Variants in TSHZ2 observed in about 807,000 individuals in gnomAD.
The protein encoded by TSHZ2 is teashirt homolog 2.
TSHZ2 carries 21 observed loss-of-function variants against 74.4 expected under a neutral mutation model. The observed-to-expected ratio is 0.28, with a 90% CI of 0.20 to 0.41. The LOEUF (loss-of-function observed/expected upper bound fraction) is 0.41. TSHZ2 is among the 10% of genes least tolerant of loss of function. The probability of loss-of-function intolerance (pLI) is 1.00; values close to 1 mark genes in which losing one functional copy is unlikely to be tolerated. For missense variants in TSHZ2, 1,244 were observed against 1,293.5 expected, an observed-to-expected ratio of 0.96 and a Z score of 0.59; for synonymous variants, 540 against 515.3, an observed-to-expected ratio of 1.05 and a Z score of -0.65.
intron 2 of TSHZ2, among the ~76,000 whole-genome samples, chr20:53,451,883 T>A (rs1266068885): frequency 6.6e-6 from 1 of 152,198 alleles, no homozygotes; most frequent in Non-Finnish European, 1.5e-5. Context: ...ATTTGTGGAA[T>A]GAATGAATGA....
chr20:53,432,007 G>C (rs1279264330), intron 2 of TSHZ2, among the ~76,000 whole-genome samples: 5 of 152,120 alleles, frequency 3.3e-5, no homozygotes, highest in Non-Finnish European at 7.4e-5. Flanking sequence ...AATAGCTTTA[G>C]GGGTATACAC....
chr20:53,001,230 G>GTGTGTGTGTGTA (rs1555813627), intron 1 of TSHZ2, among the ~76,000 whole-genome samples: 13 of 126,114 alleles, frequency 1.0e-4, no homozygotes, highest in African/African-American at 1.8e-4. Flanking sequence ...GTGTGTGTGT[G>GTGTGTGTGTGTA]TGTGTGTGTG....
At chr20:53,100,876 G>T (rs770500101) in intron 1 of TSHZ2, among the ~76,000 whole-genome samples, 1 of 152,056 alleles carries the variant, frequency 6.6e-6, no homozygotes, top group Non-Finnish European at 1.5e-5. Flanking sequence ...AACTCCCCTC[G>T]CCAGAGGCAC....
chr20:53,185,683 C>G, intron 1 of TSHZ2: 2 of 1,536,032 alleles, frequency 1.3e-6, no homozygotes, highest in Non-Finnish European at 8.7e-7. Context: ...ACAGGTACAA[C>G]AGTTTACCCA....
intron 2 of TSHZ2, among the ~76,000 whole-genome samples, chr20:53,347,336 G>A (rs1212828614): frequency 6.6e-6 from 1 of 152,112 alleles, no homozygotes; most frequent in Non-Finnish European, 1.5e-5. Context: ...GTCCTGGGGA[G>A]GCAAAATCAC....
intron 1 of TSHZ2, among the ~76,000 whole-genome samples, chr20:53,003,896 CTTTTT>C (rs1229314009): frequency 6.9e-6 from 1 of 145,270 alleles, no homozygotes; most frequent in African/African-American, 2.5e-5. Flanking sequence ...TTTTCTTTTT[CTTTTT>C]TTTTTTAATT....
Position 53,261,716 on chromosome 20 carries a change from A to G in TSHZ2, c.*8+5145A>G, listed in dbSNP as rs1202692428. Among the ~76,000 whole-genome samples the G allele has an allele frequency of 2.0e-5, 3 of 152,044 alleles. No individual in the cohort carries two copies. In the East Asian group the frequency reaches 5.8e-4, roughly 29 times the overall value. ...TATAGAGTAACATTATTTTTCATTT[A>G]CTCCAATCTGCCATCAGTATCATCT... On this transcript the variant is annotated intron_variant, in intron 2 of 2. Coordinates refer to ENST00000371497, the MANE Select transcript of TSHZ2 (RefSeq NM_173485.6).
rs867682857 is a variant in TSHZ2, at chr20:53,009,875, A to C, written c.40+36542A>C. Among the ~76,000 whole-genome samples, 36 of 152,194 alleles carry C rather than the reference A, an allele frequency of 2.4e-4. No homozygotes were observed. In the Middle Eastern group the frequency reaches 0.01, roughly 43 times the overall value. On this transcript the variant is annotated intron_variant, in intron 1 of 2. Coordinates refer to ENST00000371497, the MANE Select transcript of TSHZ2 (RefSeq NM_173485.6). Reference sequence around the variant, plus strand: ...AAATTCATTACCCAAAATTCCCCCCAAAAAAAGACCTACATTGGGAACTCT... The same window carrying C: ...AAATTCATTACCCAAAATTCCCCCCCAAAAAAGACCTACATTGGGAACTCT...
intron 2 of TSHZ2, among the ~76,000 whole-genome samples, chr20:53,345,667 G>A (rs540152220): frequency 6.7e-4 from 98 of 145,846 alleles, no homozygotes; most frequent in Non-Finnish European, 9.0e-4. Context: ...ATCTGATCCC[G>A]CCTGCCCGCC....
chr20:53,072,000 G>T (rs1443785615), intron 1 of TSHZ2, among the ~76,000 whole-genome samples: 1 of 152,144 alleles, frequency 6.6e-6, no homozygotes, highest in Non-Finnish European at 1.5e-5. Flanking sequence ...GTCAGCTTGT[G>T]GGGTAGAGAC....
At chr20:53,122,155 G>A (rs1303392051) in intron 1 of TSHZ2, among the ~76,000 whole-genome samples, 1 of 151,828 alleles carries the variant, frequency 6.6e-6, no homozygotes, top group African/African-American at 2.4e-5. Context: ...AGGTGTGATG[G>A]CATGCACCTG....
In TSHZ2 at chr20:53,489,066, T is replaced by C. The variant is rs1457192802; in HGVS notation, c.*1931T>C. 1.1e-5 allele frequency: 5 copies of C among 456,094 alleles called. No individual in the cohort carries two copies. The highest frequency in any genetic ancestry group is 3.1e-5 in the South Asian group (2 of 64,568). 28.3% of individuals were successfully genotyped at this position (456,094 alleles called of 1,614,324 possible). ...CATCGGATTGAGATGGCAGTCGAAA[T>C]AGCTTCATTGAAGTGTCAGCACTCA... On this transcript the variant is annotated 3_prime_UTR_variant, in exon 3 of 3. Coordinates refer to ENST00000371497, the MANE Select transcript of TSHZ2 (RefSeq NM_173485.6).
At chr20:53,015,942 G>T (rs987176993) in intron 1 of TSHZ2, among the ~76,000 whole-genome samples, 2 of 152,110 alleles carry the variant, frequency 1.3e-5, no homozygotes, top group Non-Finnish European at 2.9e-5. Flanking sequence ...AGAAAGGGAA[G>T]AATTTTTAAA....
At chr20:53,163,349 G>A (rs1045364294) in intron 1 of TSHZ2, among the ~76,000 whole-genome samples, 3 of 128,052 alleles carry the variant, frequency 2.3e-5, no homozygotes, top group East Asian at 2.6e-4. Flanking sequence ...GTGCACGCAC[G>A]CTCTCTGTCT....
At chr20:53,421,827 C>T (rs1026676526) in intron 2 of TSHZ2, among the ~76,000 whole-genome samples, 14 of 151,500 alleles carry the variant, frequency 9.2e-5, no homozygotes, top group African/African-American at 2.2e-4. Context: ...GGACTACAGG[C>T]GCCCGCCACC....
chr20:53,235,761 G>A lies in TSHZ2; in HGVS notation c.41-17738G>A, dbSNP rs369429853. Among the ~76,000 whole-genome samples the A allele has an allele frequency of 9.8e-5, 15 of 152,296 alleles. No homozygotes were observed. In the East Asian group the frequency reaches 1.5e-3, roughly 16 times the overall value. The stretch of plus-strand genomic sequence containing the variant: ...ATCTTTATTTTAAGTTGGTTTGCCT[G>A]AGTAATTAATTCAAAGTTAAGATTT... On this transcript the variant is annotated intron_variant, in intron 1 of 2. Coordinates refer to ENST00000371497, the MANE Select transcript of TSHZ2 (RefSeq NM_173485.6).
intron 1 of TSHZ2, among the ~76,000 whole-genome samples, chr20:53,207,881 T>G (rs1261780849): frequency 1.5e-5 from 2 of 137,160 alleles, no homozygotes; most frequent in Non-Finnish European, 3.1e-5. Flanking sequence ...TTTTTTTTTT[T>G]GATAAATGAG....
intron 1 of TSHZ2, among the ~76,000 whole-genome samples, chr20:53,049,753 T>A (rs574115385): frequency 1.3e-5 from 2 of 151,816 alleles, no homozygotes; most frequent in Non-Finnish European, 2.9e-5. Context: ...CACAGCACAG[T>A]GCCCTAAGGG....
At chr20:52,975,999 T>A (rs1381963128) in intron 1 of TSHZ2, among the ~76,000 whole-genome samples, 1 of 152,178 alleles carries the variant, frequency 6.6e-6, no homozygotes, top group Non-Finnish European at 1.5e-5. Context: ...TAATGAATAA[T>A]GGGAGATAGA....
Sources: gnomAD v4.1 joint callset for allele counts (sites outside exome capture counted in the v4.1 genomes callset) on GRCh38, gnomAD v4.1.1 for gene constraint, MANE v1.5 for transcripts, NCBI Gene and HGNC (gene_info 2026-07-23, HGNC 2026-07-21) for gene names.